Variants in SHANK2 observed in about 807,000 individuals in gnomAD.
SHANK2 encodes the protein SH3 and multiple ankyrin repeat domains 2.
Under a neutral mutation model 133.7 loss-of-function variants are expected in SHANK2, and 43 were observed. The ratio of observed to expected loss-of-function variants is 0.32; its 90% CI spans 0.25 to 0.41. The LOEUF is 0.41. SHANK2 is among the 10% of genes least tolerant of loss of function. The pLI, the probability that SHANK2 is intolerant of heterozygous loss-of-function variation, is 1.00. For missense variants in SHANK2, 1,994 were observed against 2,235.8 expected (o/e 0.89, Z 2.18); for synonymous variants, 1,017 against 952.8 (o/e 1.07, Z -1.24).
intron 11 of SHANK2, among the ~76,000 whole-genome samples, chr11:70,865,351 C>T (rs538840037): frequency 4.6e-5 from 7 of 150,978 alleles, no homozygotes; most frequent in Non-Finnish European, 8.8e-5. Context: ...CAGAACTAGG[C>T]GACGTCTAAA....
rs570281390 is a variant in SHANK2, at chr11:70,575,787, C to T, written c.2062-72856G>A. Among the ~76,000 whole-genome samples, 6 of 151,388 alleles carry T rather than the reference C, an allele frequency of 4.0e-5. No homozygotes were observed. In the South Asian group the frequency reaches 1.3e-3, roughly 32 times the overall value. On this transcript the variant is annotated intron_variant, in intron 17 of 25. Transcript: ENST00000601538. ...TGACTGGCTTCTGCATAGCCCCCGC[C>T]CGTGGTGGGTGATGGGGTGGCAAAC... is the stretch of plus-strand genomic sequence containing the variant.
intron 11 of SHANK2, among the ~76,000 whole-genome samples, chr11:70,867,912 T>C (rs549834232): frequency 5.9e-5 from 9 of 152,336 alleles, no homozygotes; most frequent in African/African-American, 1.7e-4. Flanking sequence ...CTGGACTTCA[T>C]GTACTGACAG....
rs1555158618 is a variant in SHANK2 at position 70,501,914 on chromosome 11, G to A, written c.2287+9C>T. On this transcript the variant is annotated intron_variant, in intron 20 of 25. Coordinates refer to ENST00000601538, the MANE Select transcript of SHANK2 (RefSeq NM_012309.5). Reference sequence around the variant, plus strand: ...GGAGCTGCTTTGGGGACCCAGTGGGGCTGCTTACCTTTATCCACTAGTGAG... The same window carrying A: ...GGAGCTGCTTTGGGGACCCAGTGGGACTGCTTACCTTTATCCACTAGTGAG... The A allele has an allele frequency of 1.3e-6, 2 of 1,560,082 alleles. No homozygotes were observed. Among genetic ancestry groups the A allele is most frequent in the Admixed American group, 3.8e-5 (2 of 52,484 alleles).
At chr11:70,608,608 CCCT>C (rs1264306809) in intron 17 of SHANK2, among the ~76,000 whole-genome samples, 1 of 152,192 alleles carries the variant, frequency 6.6e-6, no homozygotes, top group Non-Finnish European at 1.5e-5. Flanking sequence ...GAGCTACTGT[CCCT>C]CCTCCTCTTG....
At position 70,490,425 on chromosome 11, in the gene SHANK2, G is replaced by C. The variant is rs534570280; in HGVS notation, c.2440-38C>G. 41 of 1,561,126 alleles carry C rather than the reference G, an allele frequency of 2.6e-5. 1 individual carries two copies. The East Asian group carries it at 8.5e-4, about 32-fold the overall frequency. ...GAGCCTAGGGTGAGACGCAGCCCTGGCCAGCCCCCACCCACGGTCACAGGG... is the reference window on the plus strand; with the variant it reads ...GAGCCTAGGGTGAGACGCAGCCCTGCCCAGCCCCCACCCACGGTCACAGGG... On this transcript the variant is annotated intron_variant, in intron 22 of 25. Transcript: ENST00000601538.
In SHANK2 at chr11:70,479,885, G is replaced by T. The variant is rs769059952; in HGVS notation, c.4979+5429C>A. ...GTTTGTTTTGGGTCAAAGCATATAA[G>T]TCAGGCAAGCTGCTGTGTTCTCCTG... On this transcript the variant is annotated intron_variant, in intron 25 of 25. Transcript: ENST00000601538. This position sits in a 1 kb window ranked among gnomAD's most constrained non-coding sequence, Gnocchi z 4.4. 2.0e-5 allele frequency among the ~76,000 whole-genome samples: 3 copies of T among 152,212 alleles called. No individual in the cohort carries two copies. Among genetic ancestry groups the T allele is most frequent in the Non-Finnish European group, 4.4e-5 (3 of 68,044 alleles).
chr11:71,137,853 C>T lies in SHANK2; in HGVS notation c.207+9267G>A, dbSNP rs375741925. On this transcript the variant is annotated intron_variant, in intron 3 of 25. Coordinates refer to ENST00000601538, the MANE Select transcript of SHANK2 (RefSeq NM_012309.5). ...ACTCCTAGAAGACACCCAGCTCTCACCTTGCAGGGTCCAGGAGCAAGGAAT... is the reference window on the plus strand; with the variant it reads ...ACTCCTAGAAGACACCCAGCTCTCATCTTGCAGGGTCCAGGAGCAAGGAAT... 8.1e-4 allele frequency among the ~76,000 whole-genome samples: 124 copies of T among 152,356 alleles called. 1 individual carries two copies. The highest frequency in any genetic ancestry group is 2.7e-3 in the African/African-American group (113 of 41,586).
In SHANK2 at chr11:70,798,427, C is replaced by T. The variant is rs183241872; in HGVS notation, c.1777+16G>A. Reference sequence around the variant, plus strand: ...CTGCAGGATCGAGGGTGGGCGGCCACGAGCGCTCGCCTTACCTGCCTGGCT... The same window carrying T: ...CTGCAGGATCGAGGGTGGGCGGCCATGAGCGCTCGCCTTACCTGCCTGGCT... On this transcript the variant is annotated intron_variant, in intron 14 of 25. Coordinates refer to ENST00000601538, the MANE Select transcript of SHANK2 (RefSeq NM_012309.5). The T allele has an allele frequency of 3.0e-4, 217 of 717,468 alleles. 2 individuals are homozygous for T. Among genetic ancestry groups the T allele is most frequent in the African/African-American group, 2.5e-3 (141 of 57,380 alleles). 44.4% of individuals were successfully genotyped at this position (717,468 alleles called of 1,614,324 possible). A position where few individuals can be genotyped will look rare whatever the true frequency, so the allele number is the denominator to read the frequency against.
intron 10 of SHANK2, among the ~76,000 whole-genome samples, chr11:70,913,974 A>G (rs1950231819): frequency 6.6e-6 from 1 of 152,222 alleles, no homozygotes; most frequent in Non-Finnish European, 1.5e-5. Flanking sequence ...TCGTTAGAGC[A>G]GTGCTGTGAG....
At chr11:71,066,808 C>A (rs2135954467) in intron 9 of SHANK2, among the ~76,000 whole-genome samples, 1 of 152,212 alleles carries the variant, frequency 6.6e-6, no homozygotes, top group Non-Finnish European at 1.5e-5. Context: ...AGGGCTGGAA[C>A]CTGGTCCCTC....
chr11:71,142,505 AAAAC>A (rs1177497718), intron 3 of SHANK2, among the ~76,000 whole-genome samples: 3 of 152,146 alleles, frequency 2.0e-5, no homozygotes, highest in African/African-American at 2.4e-5. Context: ...TCTTTCAATA[AAAAC>A]AAACAAACAA....
chr11:71,086,450 TATTA>T (rs1473255380), intron 8 of SHANK2, among the ~76,000 whole-genome samples: 1 of 134,620 alleles, frequency 7.4e-6, no homozygotes, highest in African/African-American at 2.8e-5. Context: ...TTATATATTA[TATTA>T]TATATAATTA....
Position 70,867,951 on chromosome 11 carries a change from T to C in SHANK2, c.1174+28550A>G, listed in dbSNP as rs367599143. Among the ~76,000 whole-genome samples the C allele has an allele frequency of 3.3e-5, 5 of 152,242 alleles. No homozygotes were observed. The South Asian group carries it at 1.0e-3, about 32-fold the overall frequency. ...GTTTGCTACCACTTAATTCCATCAC[T>C]GACTGTGCCTCCCTCTAAATTGATC... On this transcript the variant is annotated intron_variant, in intron 11 of 25. Coordinates refer to ENST00000601538, the MANE Select transcript of SHANK2 (RefSeq NM_012309.5).
intron 15 of SHANK2, among the ~76,000 whole-genome samples, chr11:70,670,131 A>G (rs2065451448): frequency 6.6e-6 from 1 of 152,172 alleles, no homozygotes; most frequent in Non-Finnish European, 1.5e-5. Flanking sequence ...TGCCCCTGAA[A>G]GTCCTTCCCA....
chr11:70,748,413 C>A (rs1946687008), intron 14 of SHANK2, among the ~76,000 whole-genome samples: 1 of 152,130 alleles, frequency 6.6e-6, no homozygotes. Context: ...CCCTGCCCAC[C>A]CCCACAACCA....
chr11:71,100,695 CG>C (rs1255468270), intron 6 of SHANK2, among the ~76,000 whole-genome samples: 1 of 151,972 alleles, frequency 6.6e-6, no homozygotes, highest in African/African-American at 2.4e-5. Flanking sequence ...AGTGAAACCC[CG>C]TCTCTACTAA....
At chr11:70,577,064 A>AG (rs2060125060) in intron 17 of SHANK2, among the ~76,000 whole-genome samples, 1 of 152,036 alleles carries the variant, frequency 6.6e-6, no homozygotes, top group East Asian at 1.9e-4. Context: ...CTCCCTGGGG[A>AG]TGAGCTCCCC....
At chr11:70,673,494 A>T (rs1406525301) in intron 15 of SHANK2, among the ~76,000 whole-genome samples, 1 of 152,226 alleles carries the variant, frequency 6.6e-6, no homozygotes, top group East Asian at 1.9e-4. Flanking sequence ...TTGTGAGGCA[A>T]GTTCCCAAGT....
At chr11:70,801,385 G>C (rs573635228) in intron 13 of SHANK2, among the ~76,000 whole-genome samples, 1 of 152,230 alleles carries the variant, frequency 6.6e-6, no homozygotes, top group African/African-American at 2.4e-5. Flanking sequence ...GGGTGCAGGG[G>C]AATGGAGGAG....
Sources: allele counts gnomAD v4.1 joint callset (sites outside exome capture counted in the v4.1 genomes callset), GRCh38; gene constraint gnomAD v4.1.1; non-coding constraint Gnocchi (gnomAD v3.1); transcripts MANE v1.5; gene names NCBI Gene and HGNC (gene_info 2026-07-23, HGNC 2026-07-21).